CFAP43: variants seen among roughly 807,000 people sequenced by gnomAD.
The protein encoded by CFAP43 is cilia- and flagella-associated protein 43.
In CFAP43, 155 loss-of-function variants were observed where a neutral mutation model predicts 218.9. The ratio of observed to expected loss-of-function variants is 0.71; its 90% CI spans 0.62 to 0.81. The LOEUF (loss-of-function observed/expected upper bound fraction) is 0.81. CFAP43 is among the 30% of genes least tolerant of loss of function. The probability of loss-of-function intolerance (pLI) is 0.00; values close to 1 mark genes in which losing one functional copy is unlikely to be tolerated. For synonymous variants in CFAP43, 645 were observed against 681.3 expected (o/e 0.95, Z 0.83); for missense variants, 1,778 against 1,954.3 (o/e 0.91, Z 1.70).
At chr10:104,230,420 G>A (rs543005931) in intron 2 of CFAP43, among the ~76,000 whole-genome samples, 170 bp downstream of exon 2, 1 of 152,122 alleles carries the variant, frequency 6.6e-6, no homozygotes, top group East Asian at 1.9e-4. Context: ...AGCCAAGATC[G>A]CACCACTGCA....
intron 19 of CFAP43, among the ~76,000 whole-genome samples, chr10:104,175,541 T>C (rs2089596625): frequency 6.6e-6 from 1 of 152,146 alleles, no homozygotes; most frequent in African/African-American, 2.4e-5. Context: ...AAAGGGGCAT[T>C]TGTAGACATG....
intron 2 of CFAP43, among the ~76,000 whole-genome samples, chr10:104,227,003 G>A (rs2091320908): frequency 6.6e-6 from 1 of 152,018 alleles, no homozygotes; most frequent in Admixed American, 6.6e-5. Flanking sequence ...GGGGGACAGA[G>A]CAAGACTCTG....
At position 104,167,645 on chromosome 10, in the gene CFAP43, C is replaced by G; in HGVS notation, c.2784G>C (p.Lys928Asn). The change falls in exon 22 of 38, where the codon AAG (lysine) becomes AAC (asparagine). Residue 928 changes from lysine (K) to asparagine (N), a missense_variant. Around this residue, in one of 3 missense-constraint regions of CFAP43, gnomAD observed 1,553 missense variants for 1,685.2 expected, o/e 0.92. Transcript: ENST00000357060. ...LKELERVLQQ[K>N]KIEAECLKLR... ...CTTTAAGACACTCTGCTTCAATCTT[C>G]TTTTGCTGTAAAACTCTTTCCAATT... 6.2e-7 allele frequency: 1 copy of G among 1,610,596 alleles called. No individual in the cohort carries two copies. Among genetic ancestry groups the G allele is most frequent in the Non-Finnish European group, 8.5e-7 (1 of 1,179,134 alleles).
intron 15 of CFAP43, 126 bp from the exon 16 acceptor site, chr10:104,185,272 G>C (rs1589730368): frequency 1.6e-6 from 2 of 1,261,372 alleles, no homozygotes; most frequent in East Asian, 4.9e-5. Flanking sequence ...CATTTTAATT[G>C]GTATGGAAGT....
Position 104,207,702 on chromosome 10 carries a change from C to G in CFAP43, c.858G>C (p.Val286=), listed in dbSNP as rs758092393. The G allele has an allele frequency of 6.2e-7, 1 of 1,614,070 alleles. No homozygotes were observed. The highest frequency in any genetic ancestry group is 1.1e-5 in the South Asian group (1 of 91,054). Residue 286 remains valine (V), a synonymous_variant, in exon 6 of 38, where the codon GTG becomes GTC. Coordinates refer to ENST00000357060, the MANE Select transcript of CFAP43 (RefSeq NM_025145.7). Reference sequence around the variant, plus strand: ...CCTCTTCTATCTTATTAAGTACAGTCACTTGCAAGGTGTCTCCATTAATCA... The same window carrying G: ...CCTCTTCTATCTTATTAAGTACAGTGACTTGCAAGGTGTCTCCATTAATCA... ...LLMINGDTLQ[V]TVLNKIEEES... is the part of the protein sequence containing the mutation.
intron 36 of CFAP43, among the ~76,000 whole-genome samples, 164 bp downstream of exon 36, chr10:104,131,952 C>T (rs556463522): frequency 2.1e-4 from 32 of 152,198 alleles, no homozygotes; most frequent in African/African-American, 6.3e-4. Context: ...TCATTAGTTG[C>T]GGTTGCAAAG....
chr10:104,146,317 T>C lies in CFAP43; in HGVS notation c.3801A>G (p.Arg1267=). 6.2e-7 allele frequency: 1 copy of C among 1,613,822 alleles called. No individual in the cohort carries two copies. ...SQTSEAVRKS[R]EDLDVCKEHY... ...GCTCCTTGCACACATCCAGGTCTTC[T>C]CTAGATTTCCGAACAGCTTCTGAAG... The change falls in exon 30 of 38, where the codon AGA becomes AGG. Residue 1267 remains arginine (R), a synonymous_variant. Coordinates refer to ENST00000357060, the MANE Select transcript of CFAP43 (RefSeq NM_025145.7).
At chr10:104,143,660 C>A (rs2087812689) in intron 31 of CFAP43, 21 bp from the exon 32 acceptor site, 1 of 1,610,308 alleles carries the variant, frequency 6.2e-7, no homozygotes, top group African/African-American at 1.3e-5. Context: ...CAAGAAAAGC[C>A]CATCAACATT....
chr10:104,149,508 A>G (rs1193439768), intron 28 of CFAP43, among the ~76,000 whole-genome samples: 1 of 152,222 alleles, frequency 6.6e-6, no homozygotes, highest in Non-Finnish European at 1.5e-5. Context: ...TTTTTAGATA[A>G]TGAATTTGTT....
intron 5 of CFAP43, among the ~76,000 whole-genome samples, chr10:104,209,295 A>G (rs1378651695): frequency 6.6e-6 from 1 of 152,240 alleles, no homozygotes; most frequent in African/African-American, 2.4e-5. Flanking sequence ...AATACAAAAT[A>G]TATGGCTTTA....
intron 25 of CFAP43, 79 bp downstream of exon 25, chr10:104,162,238 G>C: frequency 7.2e-7 from 1 of 1,390,416 alleles, no homozygotes. Flanking sequence ...ATGTGTTGAT[G>C]GGTTATTAAA....
intron 35 of CFAP43, 88 bp downstream of exon 35, chr10:104,133,532 A>C (rs1380371448): frequency 2.4e-5 from 33 of 1,373,246 alleles, no homozygotes; most frequent in Non-Finnish European, 3.1e-5. Context: ...GCTTGATATC[A>C]CAGAGGCTTC....
chr10:104,167,376 C>G (rs1486865402), intron 22 of CFAP43, among the ~76,000 whole-genome samples: 2 of 152,166 alleles, frequency 1.3e-5, no homozygotes, highest in Non-Finnish European at 2.9e-5. Flanking sequence ...CCAAATCTCA[C>G]TTTTTAAGGT....
intron 9 of CFAP43, among the ~76,000 whole-genome samples, chr10:104,197,252 A>G (rs529581309): frequency 2.0e-5 from 3 of 152,358 alleles, no homozygotes; most frequent in Admixed American, 6.5e-5. Context: ...ATGTAGAAAT[A>G]GGAAACTATA....
chr10:104,164,939 G>T (rs757958439), intron 23 of CFAP43, among the ~76,000 whole-genome samples: 2 of 152,076 alleles, frequency 1.3e-5, no homozygotes, highest in African/African-American at 2.4e-5. Context: ...CTCTACTTTT[G>T]TACAAAATCC....
At position 104,132,141 on chromosome 10, in the gene CFAP43, T is replaced by C. The variant is rs1564703499; in HGVS notation, c.4652A>G (p.Glu1551Gly). The C allele has an allele frequency of 6.2e-7, 1 of 1,606,372 alleles. No homozygotes were observed. The highest frequency in any genetic ancestry group is 1.7e-5 in the Admixed American group (1 of 59,018). Residue 1551 changes from glutamate to glycine, a missense_variant, in exon 36 of 38, where the codon GAA (glutamate) becomes GGA (glycine). Transcript: ENST00000357060. ...CTTATCTAAAACAGCAATGGTTTGT[T>C]CCATTATTCCAATCTGAATACTAAT... is the stretch of plus-strand genomic sequence containing the variant. The part of the protein sequence containing the change: ...ALISIQIGIM[E>G]QTIAVLDKMH...
intron 10 of CFAP43, among the ~76,000 whole-genome samples, chr10:104,194,598 T>C (rs1244428527): frequency 1.3e-5 from 2 of 152,140 alleles, no homozygotes; most frequent in Admixed American, 1.3e-4. Context: ...AGAAAATAAC[T>C]GTATCACCGG....
Position 104,152,628 on chromosome 10 carries a change from C to G in CFAP43, c.3639G>C (p.Lys1213Asn), listed in dbSNP as rs763467192. Residue 1213 changes from lysine to asparagine, a missense_variant, in exon 28 of 38, where the codon AAG (lysine) becomes AAC (asparagine). Physicochemically the swap from Lys to Asn is moderately conservative, Grantham distance 94 (BLOSUM62 0). Coordinates refer to ENST00000357060, the MANE Select transcript of CFAP43 (RefSeq NM_025145.7). ...HLKRLFERRV[K>N]AEMVTNQEEL... ...TTACCTGGTTGGTAACCATCTCTGC[C>G]TTCACTCTCCTTTCAAAAAGTCTTT... 3 of 1,613,778 alleles carry G rather than the reference C, an allele frequency of 1.9e-6. No individual in the cohort carries two copies. The highest frequency in any genetic ancestry group is 1.1e-5 in the South Asian group (1 of 91,024).
chr10:104,188,243 A>G (rs2090094102), intron 13 of CFAP43, 27 bp downstream of exon 13: 1 of 1,610,142 alleles, frequency 6.2e-7, no homozygotes, highest in Non-Finnish European at 8.5e-7. Context: ...GCTCAGGAGC[A>G]GAACTGGCTG....
Sources: allele counts gnomAD v4.1 joint callset (sites outside exome capture counted in the v4.1 genomes callset), GRCh38; gene constraint gnomAD v4.1.1; regional missense constraint gnomAD v4.1.1; transcripts MANE v1.5; gene names NCBI Gene and HGNC (gene_info 2026-07-23, HGNC 2026-07-21).